Variants in DET1 observed in about 807,000 individuals in gnomAD.
The protein encoded by DET1 is DET1 homolog.
Under a neutral mutation model 43.7 loss-of-function variants are expected in DET1, and 22 were observed. That is an observed-to-expected ratio of 0.50 (90% CI 0.36 to 0.72). The LOEUF (loss-of-function observed/expected upper bound fraction) is 0.72, where lower values mean the gene tolerates loss of function less well. DET1 is among the 30% of genes least tolerant of loss of function. DET1 has a pLI of 0.00. For synonymous variants in DET1, 315 were observed against 266.2 expected (o/e 1.18, Z -1.79); for missense variants, 713 against 713.3 (o/e 1.00, Z 0.00).
downstream of DET1, chr15:88,512,338 T>C (rs1000114309): frequency 1.4e-5 from 14 of 985,450 alleles, no homozygotes; most frequent in African/African-American, 1.7e-5. Context: ...CTGTCTTCCC[T>C]GTTGGCACTT....
At chr15:88,540,730 G>A (rs2057084668) in intron 1 of DET1, among the ~76,000 whole-genome samples, 2 of 145,364 alleles carry the variant, frequency 1.4e-5, no homozygotes, top group Admixed American at 1.4e-4. Context: ...ACTCAGAGTT[G>A]AATGGATTAA....
chr15:88,507,001 C>A (rs2056148775), intron 7 of DET1, among the ~76,000 whole-genome samples: 1 of 152,196 alleles, frequency 6.6e-6, no homozygotes, highest in African/African-American at 2.4e-5. Flanking sequence ...CTAGAATTGA[C>A]TAAGAACTGC....
intron 2 of DET1, 74 bp downstream of exon 2, chr15:88,530,549 T>C (rs1013430879): frequency 8.5e-6 from 13 of 1,520,810 alleles, no homozygotes; most frequent in Non-Finnish European, 8.8e-6. Flanking sequence ...AGGGGTGGGC[T>C]ATAAACAAAC....
intron 1 of DET1, among the ~76,000 whole-genome samples, chr15:88,541,884 A>C (rs2057115797): frequency 6.6e-6 from 1 of 151,888 alleles, no homozygotes; most frequent in Admixed American, 6.6e-5. Flanking sequence ...CTTCGAGGAG[A>C]CGTCCCCTGT....
At chr15:88,544,921 G>C (rs1027683586) in intron 1 of DET1, among the ~76,000 whole-genome samples, 60 of 152,186 alleles carry the variant, frequency 3.9e-4, no homozygotes, top group African/African-American at 1.4e-3. Context: ...AAAGCAGGAA[G>C]TGTCGACCTT....
At chr15:88,532,670 C>A (rs28866799) in intron 1 of DET1, among the ~76,000 whole-genome samples, 34,133 of 152,058 alleles carry the variant, frequency 0.22, 4,946 homozygotes, top group African/African-American at 0.41. Context: ...TTGATAAGGT[C>A]CTACTACTAC....
chr15:88,544,229 G>A (rs974110914), intron 1 of DET1, among the ~76,000 whole-genome samples: 2 of 152,138 alleles, frequency 1.3e-5, no homozygotes, highest in African/African-American at 4.8e-5. Flanking sequence ...AGAGCTCTGG[G>A]CAGGTAGAAC....
intron 4 of DET1, among the ~76,000 whole-genome samples, 154 bp from the exon 5 acceptor site, chr15:88,513,294 A>C (rs1432302513): frequency 6.6e-6 from 1 of 152,230 alleles, no homozygotes; most frequent in East Asian, 1.9e-4. Flanking sequence ...TCAGAAGTAT[A>C]AAATCACCCT....
In DET1 at chr15:88,516,841, A is replaced by G. The variant is rs757260433; in HGVS notation, c.1404T>C (p.Tyr468=). 5.0e-6 allele frequency: 8 copies of G among 1,609,802 alleles called. No individual in the cohort carries two copies. The highest frequency in any genetic ancestry group is 6.8e-6 in the Non-Finnish European group (8 of 1,178,290). The change falls in exon 4 of 5, where the codon TAT becomes TAC. Residue 468 remains tyrosine, a synonymous_variant. Transcript: ENST00000268148. This position sits in a 1 kb window ranked among gnomAD's most constrained non-coding sequence, Gnocchi z 4.4. ...CCATGACAGATACCCACTTGTCATCATAACTGAAGAGAGACAAATCCAGAT... is the reference window on the plus strand; with the variant it reads ...CCATGACAGATACCCACTTGTCATCGTAACTGAAGAGAGACAAATCCAGAT... ...SPYLDLSLFS[Y]DDKWVSVMER...
chr15:88,542,831 G>T (rs954690543), intron 1 of DET1, among the ~76,000 whole-genome samples: 1 of 152,106 alleles, frequency 6.6e-6, no homozygotes, highest in Non-Finnish European at 1.5e-5. Context: ...GCCTCTCTAG[G>T]AAAAGACCAA....
At chr15:88,509,306 A>C (rs1388837454), downstream of DET1, among the ~76,000 whole-genome samples, 1 of 152,202 alleles carries the variant, frequency 6.6e-6, no homozygotes, top group Admixed American at 6.5e-5. Flanking sequence ...CTGAGCCACC[A>C]AGCCTGGCCT....
Position 88,530,475 on chromosome 15 carries a change from T to G in DET1, c.1083+148A>C, listed in dbSNP as rs561094753. Reference sequence around the variant, plus strand: ...ATAAATACATATGACCAGAGAAAAATGGAGCTGATTTTAAGTTTGGGCCCT... The same window carrying G: ...ATAAATACATATGACCAGAGAAAAAGGGAGCTGATTTTAAGTTTGGGCCCT... On this transcript the variant is annotated intron_variant, in intron 2 of 4. Transcript: ENST00000268148. 42 of 1,340,514 alleles carry G rather than the reference T, an allele frequency of 3.1e-5. No homozygotes were observed. The South Asian group carries it at 5.8e-4, about 19-fold the overall frequency. 83.0% of individuals were successfully genotyped at this position (1,340,514 alleles called of 1,614,324 possible). A position where few individuals can be genotyped will look rare whatever the true frequency, so the allele number is the denominator to read the frequency against.
At chr15:88,523,335 G>T (rs967651039) in intron 3 of DET1, among the ~76,000 whole-genome samples, 1 of 152,074 alleles carries the variant, frequency 6.6e-6, no homozygotes, top group African/African-American at 2.4e-5. Context: ...TTTACCAAAA[G>T]ATTGCTGGGA....
At chr15:88,508,269 C>T (rs184143433), downstream of DET1, among the ~76,000 whole-genome samples, 16 of 152,250 alleles carry the variant, frequency 1.1e-4, no homozygotes, top group East Asian at 9.7e-4. Context: ...CAAGCCATTC[C>T]CCTGTGCCCA....
At chr15:88,538,007 A>T (rs1391915978) in intron 1 of DET1, among the ~76,000 whole-genome samples, 1 of 152,150 alleles carries the variant, frequency 6.6e-6, no homozygotes, top group African/African-American at 2.4e-5. Context: ...TGTACTCTCC[A>T]GACAGGAAGT....
Position 88,527,610 on chromosome 15 carries a change from C to T in DET1, c.1260G>A (p.Gln420=). Residue 420 remains glutamine, a synonymous_variant, in exon 3 of 5, where the codon CAG becomes CAA. Transcript: ENST00000268148. ...GTGGAACAGCTTACCGGCGCTGGAT[C>T]TGCCTTGCAAAATTGTTGCTAGAAG... The part of the protein sequence containing the change: ...CSASSNNFAR[Q]IQRRFKDTII... The T allele has an allele frequency of 6.2e-7, 1 of 1,604,628 alleles. No individual in the cohort carries two copies. The highest frequency in any genetic ancestry group is 2.2e-5 in the East Asian group (1 of 44,608).
downstream of DET1, among the ~76,000 whole-genome samples, chr15:88,509,962 C>G (rs1192759692): frequency 6.6e-6 from 1 of 152,248 alleles, no homozygotes; most frequent in Non-Finnish European, 1.5e-5. Context: ...TGTGGCAGAA[C>G]CACTCACTGA....
chr15:88,541,916 C>T (rs1282400273), intron 1 of DET1, among the ~76,000 whole-genome samples: 1 of 152,222 alleles, frequency 6.6e-6, no homozygotes, highest in Non-Finnish European at 1.5e-5. Context: ...CCAATTGCCT[C>T]CCGGCTGTGA....
chr15:88,509,877 T>C (rs906012866), downstream of DET1, among the ~76,000 whole-genome samples: 2 of 152,240 alleles, frequency 1.3e-5, no homozygotes, highest in African/African-American at 4.8e-5. Flanking sequence ...ATCCTCTCCC[T>C]ATCTCAATCC....
Sources: gnomAD v4.1 joint callset for allele counts (sites outside exome capture counted in the v4.1 genomes callset) on GRCh38, gnomAD v4.1.1 for gene constraint, Gnocchi (gnomAD v3.1) non-coding constraint, MANE v1.5 for transcripts, NCBI Gene and HGNC (gene_info 2026-07-23, HGNC 2026-07-21) for gene names.